Variants in PTPN5 observed in about 807,000 individuals in gnomAD.
PTPN5 encodes protein tyrosine phosphatase non-receptor type 5, also known as tyrosine-protein phosphatase non-receptor type 5.
PTPN5 carries 29 observed loss-of-function variants against 73.9 expected under a neutral mutation model. The ratio of observed to expected loss-of-function variants is 0.39; its 90% confidence interval spans 0.29 to 0.54. The LOEUF (loss-of-function observed/expected upper bound fraction) is 0.54. PTPN5 is among the 20% of genes least tolerant of loss of function. The pLI, the probability that PTPN5 is intolerant of heterozygous loss-of-function variation, is 0.65. For missense variants in PTPN5, 652 were observed against 751.4 expected (o/e 0.87, Z 1.55); for synonymous variants, 267 against 304.7 (o/e 0.88, Z 1.29).
intron 12 of PTPN5, among the ~76,000 whole-genome samples, chr11:18,731,782 G>A (rs780915748): frequency 6.6e-6 from 1 of 152,116 alleles, no homozygotes; most frequent in Non-Finnish European, 1.5e-5. Context: ...CCAAGTCTCC[G>A]GTCTTGTGCT....
chr11:18,769,091 T>TG (rs1850762772), intron 2 of PTPN5, among the ~76,000 whole-genome samples: 2 of 152,218 alleles, frequency 1.3e-5, no homozygotes, highest in South Asian at 4.1e-4. Context: ...ACTTCACTGA[T>TG]GGAGGATGTC....
chr11:18,770,121 C>A (rs958965879), intron 2 of PTPN5, among the ~76,000 whole-genome samples: 4 of 152,226 alleles, frequency 2.6e-5, no homozygotes, highest in Non-Finnish European at 4.4e-5. Context: ...TCTGAAACTA[C>A]TCTTTTTACT....
chr11:18,764,963 T>C (rs1042436991), intron 3 of PTPN5, among the ~76,000 whole-genome samples: 15 of 152,244 alleles, frequency 9.9e-5, no homozygotes, highest in South Asian at 4.1e-4. Flanking sequence ...CTGCCCGCCT[T>C]GGCCTCCCAA....
At chr11:18,763,079 T>C (rs548731979) in intron 3 of PTPN5, among the ~76,000 whole-genome samples, 1 of 152,338 alleles carries the variant, frequency 6.6e-6, no homozygotes, top group South Asian at 2.1e-4. Context: ...AGAGAGCTCA[T>C]GACCCCATGG....
rs1850618079 is a variant in PTPN5 at position 18,765,806 on chromosome 11, C to A, written c.97+1G>T. 1 of 1,564,624 alleles carries A rather than the reference C, an allele frequency of 6.4e-7. No individual in the cohort carries two copies. The highest frequency in any genetic ancestry group is 8.7e-7 in the Non-Finnish European group (1 of 1,152,662). ...AGGAGCTGGGTGCTGAGAAGACTCA[C>A]CCGGTAGCCTCTCACTGCAGCACAT... On this transcript the variant is annotated splice_donor_variant, in intron 3 of 14. Coordinates refer to ENST00000358540, the MANE Select transcript of PTPN5 (RefSeq NM_006906.2). LOFTEE classifies it high-confidence loss of function.
intron 4 of PTPN5, 126 bp from the exon 5 acceptor site, chr11:18,743,555 G>A (rs374584353): frequency 1.5e-5 from 13 of 840,066 alleles, no homozygotes; most frequent in Middle Eastern, 3.2e-4. Context: ...GGTCCAGACC[G>A]GGCAGCTGAG....
chr11:18,761,140 T>C (rs1850368821), intron 3 of PTPN5, among the ~76,000 whole-genome samples: 1 of 152,172 alleles, frequency 6.6e-6, no homozygotes, highest in South Asian at 2.1e-4. Context: ...CGAGGGTCTT[T>C]ATTGGCAGTC....
intron 2 of PTPN5, among the ~76,000 whole-genome samples, chr11:18,768,438 A>C (rs747132137): frequency 6.6e-6 from 1 of 152,058 alleles, no homozygotes; most frequent in Non-Finnish European, 1.5e-5. Flanking sequence ...TCCTTACCCT[A>C]ACGAGCACCT....
chr11:18,779,339 T>C (rs1178450866), intron 1 of PTPN5, among the ~76,000 whole-genome samples: 1 of 150,854 alleles, frequency 6.6e-6, no homozygotes, highest in Non-Finnish European at 1.5e-5. Context: ...ATTAGCTGGA[T>C]TTGAGGCTCT....
intron 2 of PTPN5, among the ~76,000 whole-genome samples, chr11:18,766,625 C>T (rs941845980): frequency 4.6e-5 from 7 of 152,180 alleles, no homozygotes; most frequent in Non-Finnish European, 2.9e-5. Context: ...TAGTTTTTCT[C>T]CTTTACCTGG....
At chr11:18,740,527 A>G in intron 8 of PTPN5, 76 bp downstream of exon 8, 2 of 1,307,752 alleles carry the variant, frequency 1.5e-6, no homozygotes, top group Non-Finnish European at 2.0e-6. Flanking sequence ...TCCAGGCACC[A>G]CGCTCCACCA....
chr11:18,728,981 C>T lies in PTPN5; in HGVS notation c.1651G>A (p.Val551Ile), dbSNP rs759780758. The change falls in exon 15 of 15, where the codon GTC becomes ATC. Residue 551 changes from valine (V) to isoleucine (I), a missense_variant. This residue lies in a region of PTPN5 where 102 missense variants were observed against 160.5 expected (regional missense o/e 0.64). Transcript: ENST00000358540. The surrounding 1 kb of genome is among the most constrained non-coding windows in gnomAD (Gnocchi z 4.1). ...TCEQYQFVHH[V>I]MSLYEKQLSH... is the part of the protein sequence containing the mutation. Reference sequence around the variant, plus strand: ...AGCTGCTTTTCGTAGAGGCTCATGACGTGGTGCACAAACTGGTACTGCTCG... The same window carrying T: ...AGCTGCTTTTCGTAGAGGCTCATGATGTGGTGCACAAACTGGTACTGCTCG... 22 of 1,613,520 alleles carry T rather than the reference C, an allele frequency of 1.4e-5. No homozygotes were observed. Among genetic ancestry groups the T allele is most frequent in the Non-Finnish European group, 1.6e-5 (19 of 1,179,850 alleles).
At chr11:18,761,797 G>A (rs1277882173) in intron 3 of PTPN5, among the ~76,000 whole-genome samples, 1 of 152,178 alleles carries the variant, frequency 6.6e-6, no homozygotes, top group Non-Finnish European at 1.5e-5. Context: ...CACATCACCA[G>A]GAAGCATGCA....
rs4757706 is a variant in PTPN5 at position 18,742,151 on chromosome 11, A to G, written c.725+111T>C. ...CACATGTCTACACTGGCTAAGCTATAAGGCCAGCTCTGCCCTGGGCACCAG... is the reference window on the plus strand; with the variant it reads ...CACATGTCTACACTGGCTAAGCTATGAGGCCAGCTCTGCCCTGGGCACCAG... On this transcript the variant is annotated intron_variant, in intron 7 of 14. Coordinates refer to ENST00000358540, the MANE Select transcript of PTPN5 (RefSeq NM_006906.2). This position sits in a 1 kb window ranked among gnomAD's most constrained non-coding sequence, Gnocchi z 4.1. 0.99 allele frequency: 1,451,511 copies of G among 1,465,920 alleles called. 719,691 individuals carry two copies. The highest frequency in any genetic ancestry group is 1 in the East Asian group (43,943 of 43,944). 90.8% of individuals were successfully genotyped at this position (1,465,920 alleles called of 1,614,324 possible).
chr11:18,760,733 G>A (rs1012529747), intron 3 of PTPN5, among the ~76,000 whole-genome samples: 4 of 152,236 alleles, frequency 2.6e-5, no homozygotes, highest in Non-Finnish European at 4.4e-5. Flanking sequence ...GTTCCCAAGA[G>A]CAGCGTTGTC....
intron 1 of PTPN5, among the ~76,000 whole-genome samples, chr11:18,775,910 G>A (rs976633348): frequency 6.6e-6 from 1 of 152,230 alleles, no homozygotes; most frequent in South Asian, 2.1e-4. Flanking sequence ...GGTCCATGGA[G>A]CCCAACCTGC....
In PTPN5 at chr11:18,744,149, G is replaced by A; in HGVS notation, c.148C>T (p.Gln50Ter). Residue 50 changes from glutamine (Q) to a stop codon, truncating the protein, a stop_gained, in exon 4 of 15, where the codon CAG becomes TAG. Coordinates refer to ENST00000358540, the MANE Select transcript of PTPN5 (RefSeq NM_006906.2). LOFTEE classifies it high-confidence loss of function. ...GGCGGCATCTCTCTCTGTGAGTCCT[G>A]GAGCCCTTCAGCCTCGTCCAGTGCC... Reference protein sequence around the residue: ...MEALDEAEGLQDSQREMPPPP... With the variant: ...MEALDEAEGL The A allele has an allele frequency of 6.2e-7, 1 of 1,602,460 alleles. No homozygotes were observed. The highest frequency in any genetic ancestry group is 8.5e-7 in the Non-Finnish European group (1 of 1,175,424).
Position 18,744,001 on chromosome 11 carries a change from C to G in PTPN5, c.291+5G>C. The G allele has an allele frequency of 6.3e-7, 1 of 1,592,816 alleles. No homozygotes were observed. Among genetic ancestry groups the G allele is most frequent in the Non-Finnish European group, 8.5e-7 (1 of 1,172,108 alleles). On this transcript the variant is annotated splice_donor_5th_base_variant and intron_variant, in intron 4 of 14. Coordinates refer to ENST00000358540, the MANE Select transcript of PTPN5 (RefSeq NM_006906.2). ...AGACCCTTGTGAGGCCTGTGCCATC[C>G]TTACCAGGAACTGTGAGGCAGCGAA...
At chr11:18,741,312 G>T (rs938005191) in intron 7 of PTPN5, among the ~76,000 whole-genome samples, 1 of 152,158 alleles carries the variant, frequency 6.6e-6, no homozygotes, top group Non-Finnish European at 1.5e-5. Context: ...CAGGAAGGAG[G>T]GAGTCCCAGG....
Sources: allele counts gnomAD v4.1 joint callset (sites outside exome capture counted in the v4.1 genomes callset), GRCh38; gene constraint gnomAD v4.1.1; regional missense constraint gnomAD v4.1.1; non-coding constraint Gnocchi (gnomAD v3.1); transcripts MANE v1.5; gene names NCBI Gene and HGNC (gene_info 2026-07-23, HGNC 2026-07-21).